Variants in WNT7A observed in about 807,000 individuals in gnomAD.
WNT7A encodes the protein Wnt family member 7A, also known as protein Wnt-7a.
WNT7A carries 16 observed loss-of-function variants against 28.2 expected under a neutral mutation model. The observed-to-expected ratio is 0.57, with a 90% CI of 0.38 to 0.86. The LOEUF (loss-of-function observed/expected upper bound fraction) is 0.86, where lower values mean the gene tolerates loss of function less well. Among genes scored for constraint, WNT7A ranks in the 40% least tolerant of loss-of-function variants. The pLI is 0.00. For missense variants in WNT7A, 411 were observed against 489.7 expected (o/e 0.84, Z 1.52); for synonymous variants, 190 against 195.9 (o/e 0.97, Z 0.25).
At chr3:13,830,204 C>T (rs1236922949) in intron 3 of WNT7A, among the ~76,000 whole-genome samples, 1 of 152,158 alleles carries the variant, frequency 6.6e-6, no homozygotes, top group Non-Finnish European at 1.5e-5. Flanking sequence ...TCCAAGCCAG[C>T]TGATCACATG....
chr3:13,817,923 T>C lies in WNT7A; in HGVS notation c.*1021A>G, dbSNP rs1443360885. On this transcript the variant is annotated 3_prime_UTR_variant, in exon 4 of 4. Transcript: ENST00000285018. ...TCTTTCCCGGCTAACATGGATGAGA[T>C]GATGCCTCAACCCCAGGCATCCAGG... 1.3e-5 allele frequency: 2 copies of C among 152,182 alleles called. No individual in the cohort carries two copies. The highest frequency in any genetic ancestry group is 2.9e-5 in the Non-Finnish European group (2 of 68,046). 9.4% of individuals were successfully genotyped at this position (152,182 alleles called of 1,614,324 possible). A position where few individuals can be genotyped will look rare whatever the true frequency, so the allele number is the denominator to read the frequency against.
intron 3 of WNT7A, among the ~76,000 whole-genome samples, chr3:13,834,770 G>A (rs1394617902): frequency 6.6e-6 from 1 of 151,922 alleles, no homozygotes; most frequent in East Asian, 1.9e-4. Flanking sequence ...GGTCTTTCCC[G>A]CCCCTGCCCC....
chr3:13,851,443 G>A (rs750632605), intron 3 of WNT7A, among the ~76,000 whole-genome samples: 7 of 152,028 alleles, frequency 4.6e-5, no homozygotes, highest in South Asian at 2.1e-4. Context: ...CTGATGCCTC[G>A]TCCACCTGGA....
At chr3:13,839,412 T>G (rs1348369392) in intron 3 of WNT7A, among the ~76,000 whole-genome samples, 1 of 152,244 alleles carries the variant, frequency 6.6e-6, no homozygotes, top group Non-Finnish European at 1.5e-5. Flanking sequence ...GGTGAAATAT[T>G]AAGTCATTGA....
At chr3:13,850,394 C>T (rs954173949) in intron 3 of WNT7A, among the ~76,000 whole-genome samples, 8 of 152,324 alleles carry the variant, frequency 5.3e-5, no homozygotes, top group African/African-American at 1.9e-4. Context: ...ACAGGCCTGC[C>T]TGCGGCCAGG....
At chr3:13,873,133 C>G (rs1695050487) in intron 2 of WNT7A, among the ~76,000 whole-genome samples, 2 of 152,172 alleles carry the variant, frequency 1.3e-5, no homozygotes, top group Non-Finnish European at 1.5e-5. Flanking sequence ...GTGTTGATGC[C>G]ACTCACTATG....
intron 3 of WNT7A, among the ~76,000 whole-genome samples, chr3:13,850,518 CTT>C (rs1443593521): frequency 6.6e-6 from 1 of 152,166 alleles, no homozygotes; most frequent in Non-Finnish European, 1.5e-5. Context: ...TGGGAGGTGA[CTT>C]TTCACTTCGG....
At chr3:13,876,421 A>G (rs13317352) in intron 1 of WNT7A, among the ~76,000 whole-genome samples, 38,500 of 152,040 alleles carry the variant, frequency 0.25, 7,007 homozygotes, top group African/African-American at 0.52. Context: ...GGTGGTCCCC[A>G]CTCCATGTAG....
intron 3 of WNT7A, among the ~76,000 whole-genome samples, chr3:13,822,631 T>C (rs1559294042): frequency 6.6e-6 from 1 of 152,208 alleles, no homozygotes; most frequent in African/African-American, 2.4e-5. Context: ...GTAAAATTCA[T>C]TGTGGTGATG....
At chr3:13,866,382 A>ATC (rs2124871258) in intron 2 of WNT7A, among the ~76,000 whole-genome samples, 1 of 152,350 alleles carries the variant, frequency 6.6e-6, no homozygotes, top group Non-Finnish European at 1.5e-5. Flanking sequence ...TGGTGCCATT[A>ATC]TCACTCCCGT....
At position 13,875,021 on chromosome 3, in the gene WNT7A, A is replaced by C; in HGVS notation, c.224T>G (p.Phe75Cys). The change falls in exon 2 of 4, where the codon TTT becomes TGT. Residue 75 changes from phenylalanine (F) to cysteine (C), a missense_variant. Transcript: ENST00000285018. The part of the protein sequence containing the change: ...GSQMGLDECQ[F>C]QFRNGRWNCS... ...GTTCCAGCGGCCATTGCGGAACTGA[A>C]ACTGACACTCGTCCAGGCCCATTTG... The C allele has an allele frequency of 3.7e-6, 6 of 1,614,194 alleles. No homozygotes were observed. Among genetic ancestry groups the C allele is most frequent in the Non-Finnish European group, 5.1e-6 (6 of 1,180,028 alleles).
chr3:13,872,259 T>C (rs80020698), intron 2 of WNT7A, among the ~76,000 whole-genome samples: 20,314 of 152,196 alleles, frequency 0.13, 2,207 homozygotes, highest in African/African-American at 0.29. Context: ...TGGATTCCTA[T>C]TCCTATTAGG....
intron 1 of WNT7A, among the ~76,000 whole-genome samples, chr3:13,876,640 C>A (rs1395488426): frequency 2.0e-5 from 3 of 152,076 alleles, no homozygotes; most frequent in African/African-American, 7.2e-5. Context: ...TGACATGGAC[C>A]CATGCCCTCC....
At chr3:13,827,599 C>T (rs1005897781) in intron 3 of WNT7A, among the ~76,000 whole-genome samples, 1 of 152,114 alleles carries the variant, frequency 6.6e-6, no homozygotes, top group African/African-American at 2.4e-5. Context: ...GTCCCAGACC[C>T]TCGGGCTGCC....
intron 1 of WNT7A, among the ~76,000 whole-genome samples, chr3:13,879,415 C>A (rs1479897501): frequency 6.6e-6 from 1 of 152,168 alleles, no homozygotes; most frequent in Non-Finnish European, 1.5e-5. Flanking sequence ...TCCCTATGCC[C>A]GGGTCCGAAG....
chr3:13,863,947 G>T (rs973153919), intron 2 of WNT7A: 82 of 152,268 alleles, frequency 5.4e-4, no homozygotes, highest in African/African-American at 1.9e-3. Flanking sequence ...CAAGAGAAGT[G>T]GTGACAAATT....
chr3:13,833,948 C>A (rs1197787604), intron 3 of WNT7A, among the ~76,000 whole-genome samples: 1 of 152,184 alleles, frequency 6.6e-6, no homozygotes, highest in African/African-American at 2.4e-5. Context: ...AAGAGGCAAG[C>A]CCCTGACTCC....
Position 13,830,496 on chromosome 3 carries a change from A to G in WNT7A, c.571-11073T>C, listed in dbSNP as rs565286981. ...TCCATCATCCTCTGTGTGTGGCAGA[A>G]GGTGTCCCTGGCTGCTGCTCACCCC... On this transcript the variant is annotated intron_variant, in intron 3 of 3. Coordinates refer to ENST00000285018, the MANE Select transcript of WNT7A (RefSeq NM_004625.4). Among the ~76,000 whole-genome samples, 6 of 152,292 alleles carry G rather than the reference A, an allele frequency of 3.9e-5. No homozygotes were observed. The East Asian group carries it at 1.2e-3, about 29-fold the overall frequency.
chr3:13,834,458 G>T (rs1356463487), intron 3 of WNT7A, among the ~76,000 whole-genome samples: 1 of 152,004 alleles, frequency 6.6e-6, no homozygotes, highest in Non-Finnish European at 1.5e-5. Flanking sequence ...CTGGGAGTCG[G>T]GTGTACGGGG....
Sources: allele counts gnomAD v4.1 joint callset (sites outside exome capture counted in the v4.1 genomes callset), GRCh38; gene constraint gnomAD v4.1.1; transcripts MANE v1.5; gene names NCBI Gene and HGNC (gene_info 2026-07-23, HGNC 2026-07-21).